The following VGLL3 variants were observed in gnomAD, a reference collection of about 807,000 sequenced individuals.
The protein encoded by VGLL3 is vestigial like family member 3.
Under a neutral mutation model 29.2 loss-of-function variants are expected in VGLL3, and 18 were observed. That is an observed-to-expected ratio of 0.62 (90% confidence interval 0.43 to 0.91). The LOEUF is 0.91. Among genes scored for constraint, VGLL3 ranks in the 40% least tolerant of loss-of-function variants. VGLL3 has a pLI of 0.00. For missense variants in VGLL3, 440 were observed against 413.2 expected, an observed-to-expected ratio of 1.06 and a Z score of -0.56; for synonymous variants, 180 against 151.8, an observed-to-expected ratio of 1.19 and a Z score of -1.36.
At chr3:86,987,574 G>T (rs1390416889) in intron 1 of VGLL3, among the ~76,000 whole-genome samples, 1 of 152,154 alleles carries the variant, frequency 6.6e-6, no homozygotes, top group African/African-American at 2.4e-5. Context: ...CTGAGGAGTT[G>T]TTAGAGACTG....
chr3:86,970,383 T>A lies in VGLL3; in HGVS notation c.404-1260A>T, dbSNP rs1210122796. Reference sequence around the variant, plus strand: ...GAGAGCCCCGACCCAGCTTAGAGAGTGATAAGTGGAAGCTGACAGACTGAG... The same window carrying A: ...GAGAGCCCCGACCCAGCTTAGAGAGAGATAAGTGGAAGCTGACAGACTGAG... On this transcript the variant is annotated intron_variant, in intron 2 of 3. Transcript: ENST00000398399. Among the ~76,000 whole-genome samples the A allele has an allele frequency of 2.7e-5, 4 of 149,656 alleles. No homozygotes were observed. In the East Asian group the frequency reaches 7.9e-4, roughly 29 times the overall value.
At chr3:86,988,640 C>CAAAAAAAAAAAAAAAAAAAAAAAAAA (rs869098443) in intron 1 of VGLL3, among the ~76,000 whole-genome samples, 2 of 13,768 alleles carry the variant, frequency 1.5e-4, no homozygotes, top group Non-Finnish European at 2.9e-4. Context: ...TTTACTTGAC[C>CAAAAAAAAAAAAAAAAAAAAAAAAAA]AAAAAAAAAA....
Position 86,946,914 on chromosome 3 carries a change from C to G in VGLL3, c.*110G>C, listed in dbSNP as rs1575857325. ...AGTCAACTGCGTGACACTTTGTCTT[C>G]TCCTTCTATGCCTTTCGTGTCCTAT... is the stretch of plus-strand genomic sequence containing the variant. On this transcript the variant is annotated 3_prime_UTR_variant, in exon 4 of 4. Coordinates refer to ENST00000398399, the MANE Select transcript of VGLL3 (RefSeq NM_016206.4). 7.0e-6 allele frequency: 5 copies of G among 713,588 alleles called. No homozygotes were observed. In the East Asian group the frequency reaches 1.0e-4, roughly 14 times the overall value. 44.2% of individuals were successfully genotyped at this position (713,588 alleles called of 1,614,324 possible). A position where few individuals can be genotyped will look rare whatever the true frequency, so the allele number is the denominator to read the frequency against.
At position 86,990,817 on chromosome 3, in the gene VGLL3, C is replaced by T; in HGVS notation, c.-74G>A. 1 of 1,206,418 alleles carries T rather than the reference C, an allele frequency of 8.3e-7. No homozygotes were observed. Among genetic ancestry groups the T allele is most frequent in the Non-Finnish European group, 1.0e-6 (1 of 965,088 alleles). 74.7% of individuals were successfully genotyped at this position (1,206,418 alleles called of 1,614,324 possible). On this transcript the variant is annotated 5_prime_UTR_variant, in exon 1 of 4. Transcript: ENST00000398399. Reference sequence around the variant, plus strand: ...GCTGGCGCGAGGGGCGCGGGCGCCGCCGCCGCCGCAGCTGCCGCCTCTGTC... The same window carrying T: ...GCTGGCGCGAGGGGCGCGGGCGCCGTCGCCGCCGCAGCTGCCGCCTCTGTC...
chr3:86,952,423 C>T (rs969441102), intron 3 of VGLL3, among the ~76,000 whole-genome samples: 1 of 152,094 alleles, frequency 6.6e-6, no homozygotes, highest in Admixed American at 6.6e-5. Context: ...GATCATGGCT[C>T]TTTTAAGTAA....
In VGLL3 at chr3:86,968,597, G is replaced by A. The variant is rs966393754; in HGVS notation, c.930C>T (p.Phe310=). Residue 310 remains phenylalanine (F), a synonymous_variant, in exon 3 of 4, where the codon TTC becomes TTT. Coordinates refer to ENST00000398399, the MANE Select transcript of VGLL3 (RefSeq NM_016206.4). The stretch of plus-strand genomic sequence containing the variant: ...AGAAATCCAGCAGCTTACCTGTATC[G>A]AATCCCACGCTGGGCACTATGTCTA... The part of the protein sequence containing the change: ...GTVDIVPSVG[F]DTGLQHQDKS... 8 of 1,611,550 alleles carry A rather than the reference G, an allele frequency of 5.0e-6. No individual in the cohort carries two copies. The highest frequency in any genetic ancestry group is 5.9e-6 in the Non-Finnish European group (7 of 1,178,590).
chr3:86,976,616 C>T (rs1213081888), intron 2 of VGLL3, among the ~76,000 whole-genome samples: 1 of 152,172 alleles, frequency 6.6e-6, no homozygotes, highest in Non-Finnish European at 1.5e-5. Context: ...TACAGTTTAA[C>T]ATCTGCTAAA....
intron 3 of VGLL3, among the ~76,000 whole-genome samples, chr3:86,963,429 C>T (rs969248246): frequency 1.3e-5 from 2 of 151,960 alleles, no homozygotes; most frequent in African/African-American, 2.4e-5. Context: ...CCAGGCATAG[C>T]GGATAGGGAA....
chr3:86,981,219 GAT>G (rs1705318907), intron 1 of VGLL3, among the ~76,000 whole-genome samples: 3 of 151,786 alleles, frequency 2.0e-5, no homozygotes, highest in African/African-American at 7.3e-5. Flanking sequence ...TTTTAAAATC[GAT>G]ATTTTAAAAT....
chr3:86,965,974 C>A (rs1199684062), intron 3 of VGLL3, among the ~76,000 whole-genome samples: 1 of 152,140 alleles, frequency 6.6e-6, no homozygotes, highest in East Asian at 1.9e-4. Context: ...TGACGTACAA[C>A]ACCCCTCTCT....
chr3:86,951,999 G>C (rs898473065), intron 3 of VGLL3, among the ~76,000 whole-genome samples: 1 of 152,132 alleles, frequency 6.6e-6, no homozygotes, highest in Non-Finnish European at 1.5e-5. Context: ...GATTAGAGGA[G>C]GAGGGTATAT....
intron 1 of VGLL3, 149 bp downstream of exon 1, chr3:86,990,468 CT>C (rs1705555979): frequency 8.1e-7 from 1 of 1,236,664 alleles, no homozygotes; most frequent in Admixed American, 4.1e-5. Context: ...TCCCGGCTCT[CT>C]CGGGATGGCT....
chr3:86,989,631 A>G, intron 1 of VGLL3, among the ~76,000 whole-genome samples: 1 of 152,230 alleles, frequency 6.6e-6, no homozygotes, highest in Non-Finnish European at 1.5e-5. Context: ...AATATATTCT[A>G]TGGATGGTAA....
intron 3 of VGLL3, among the ~76,000 whole-genome samples, chr3:86,964,028 A>C (rs1400421876): frequency 6.6e-6 from 1 of 152,258 alleles, no homozygotes; most frequent in Non-Finnish European, 1.5e-5. Flanking sequence ...CCCACAGGCC[A>C]AATTCAGCAT....
chr3:86,970,330 G>C (rs894859595), intron 2 of VGLL3, among the ~76,000 whole-genome samples: 1 of 152,012 alleles, frequency 6.6e-6, no homozygotes, highest in Admixed American at 6.6e-5. Flanking sequence ...AAGGTGACAC[G>C]GTAGGTATTC....
At position 86,990,902 on chromosome 3, in the gene VGLL3, G is replaced by C; in HGVS notation, c.-159C>G. On this transcript the variant is annotated 5_prime_UTR_variant, in exon 1 of 4. Coordinates refer to ENST00000398399, the MANE Select transcript of VGLL3 (RefSeq NM_016206.4). ...CTCGGCGGCCTCGGGCTCCGCGCGG[G>C]GCGCGGGGTCGGGAGGGACTGGCAA... 1 of 1,121,836 alleles carries C rather than the reference G, an allele frequency of 8.9e-7. No individual in the cohort carries two copies. Among genetic ancestry groups the C allele is most frequent in the Non-Finnish European group, 1.1e-6 (1 of 912,300 alleles). The allele number at this position is 1,121,836 out of a possible 1,614,324, so 69.5% of individuals were successfully genotyped here.
intron 1 of VGLL3, among the ~76,000 whole-genome samples, chr3:86,982,806 G>A (rs557372287): frequency 1.2e-3 from 186 of 152,256 alleles, no homozygotes; most frequent in Non-Finnish European, 2.0e-3. Flanking sequence ...TTTCTTAAAT[G>A]CACATTTATG....
At chr3:86,965,497 T>G (rs556500061) in intron 3 of VGLL3, among the ~76,000 whole-genome samples, 1 of 152,304 alleles carries the variant, frequency 6.6e-6, no homozygotes, top group Non-Finnish European at 1.5e-5. Context: ...CAGAAACTTC[T>G]GTTCATTTAA....
chr3:86,959,520 A>G (rs1166467553), intron 3 of VGLL3, among the ~76,000 whole-genome samples: 1 of 152,158 alleles, frequency 6.6e-6, no homozygotes, highest in African/African-American at 2.4e-5. Flanking sequence ...GGTGAAAAAT[A>G]TCACAGTGCT....
Sources: allele counts gnomAD v4.1 joint callset (sites outside exome capture counted in the v4.1 genomes callset), GRCh38; gene constraint gnomAD v4.1.1; transcripts MANE v1.5; gene names NCBI Gene and HGNC (gene_info 2026-07-23, HGNC 2026-07-21).